Variants in PDE4D observed in about 807,000 individuals in gnomAD.
The protein encoded by PDE4D is 3',5'-cyclic-AMP phosphodiesterase 4D.
In PDE4D, 24 loss-of-function variants were observed where a neutral mutation model predicts 87.4. The ratio of observed to expected loss-of-function variants is 0.27; its 90% confidence interval spans 0.20 to 0.39. The LOEUF (loss-of-function observed/expected upper bound fraction) is 0.39. Ranked by LOEUF, PDE4D falls within the 10% of genes least tolerant of loss-of-function variation. PDE4D has a pLI of 1.00. For missense variants in PDE4D, 714 were observed against 1,041.0 expected, an observed-to-expected ratio of 0.69 and a Z score of 4.32; for synonymous variants, 384 against 383.2, an observed-to-expected ratio of 1.00 and a Z score of -0.02.
At chr5:59,445,742 A>AATTT (rs558916019) in intron 1 of PDE4D, among the ~76,000 whole-genome samples, 2 of 152,220 alleles carry the variant, frequency 1.3e-5, no homozygotes, top group South Asian at 2.1e-4. Context: ...GCTTATATAG[A>AATTT]ATTTATTTAT....
At chr5:59,149,065 G>A (rs1168587555) in intron 5 of PDE4D, among the ~76,000 whole-genome samples, 1 of 152,006 alleles carries the variant, frequency 6.6e-6, no homozygotes, top group East Asian at 1.9e-4. Flanking sequence ...ATCAGCTCAT[G>A]GGATTTGGTG....
intron 1 of PDE4D, chr5:59,768,296 G>C (rs1344945023): frequency 6.3e-7 from 1 of 1,598,306 alleles, no homozygotes; most frequent in South Asian, 1.1e-5. Context: ...TTGCTGCTGA[G>C]AAGCATTCTG....
chr5:60,490,075 A>G (rs1749448072), upstream of PDE4D: 1 of 152,204 alleles, frequency 6.6e-6, no homozygotes, highest in African/African-American at 2.4e-5. Flanking sequence ...TCTCTGTGTC[A>G]ATATACAACT....
intron 3 of PDE4D, among the ~76,000 whole-genome samples, chr5:59,904,107 T>C (rs1273957356): frequency 6.6e-5 from 10 of 152,218 alleles, no homozygotes; most frequent in Non-Finnish European, 1.0e-4. Flanking sequence ...TTATTGGTAT[T>C]AGTATTACTA....
intron 1 of PDE4D, among the ~76,000 whole-genome samples, chr5:59,485,032 C>G (rs1348411254): frequency 6.6e-6 from 1 of 152,152 alleles, no homozygotes; most frequent in African/African-American, 2.4e-5. Context: ...CCAAGAAACC[C>G]CAGTCTCCTA....
At position 60,300,797 on chromosome 5, in the gene PDE4D, G is replaced by A. The variant is rs74767441; in HGVS notation, c.-89-115110C>T. 6.9e-4 allele frequency among the ~76,000 whole-genome samples: 104 copies of A among 151,700 alleles called. No homozygotes were observed. The East Asian group carries it at 0.018, about 27-fold the overall frequency. On this transcript the variant is annotated intron_variant, in intron 1 of 16. Coordinates refer to the PDE4D transcript ENST00000502484. ...TTTTTTTCTTTTTCTTTTTGAGATG[G>A]AGTCTCACTCTGTTGCCCAGGCTGG...
At chr5:59,261,320 T>C (rs916005020) in intron 1 of PDE4D, among the ~76,000 whole-genome samples, 1 of 151,868 alleles carries the variant, frequency 6.6e-6, no homozygotes, top group African/African-American at 2.4e-5. Flanking sequence ...TACTTATTAA[T>C]GCAGTTATAG....
At chr5:60,313,228 A>G (rs1755211645) in intron 1 of PDE4D, among the ~76,000 whole-genome samples, 2 of 152,180 alleles carry the variant, frequency 1.3e-5, no homozygotes, top group Non-Finnish European at 2.9e-5. Flanking sequence ...AATAAACAAA[A>G]TCAGAAATGG....
intron 1 of PDE4D, among the ~76,000 whole-genome samples, chr5:60,447,901 T>C (rs1745778419): frequency 6.6e-6 from 1 of 152,180 alleles, no homozygotes; most frequent in Admixed American, 6.5e-5. Context: ...TCTATCTTAC[T>C]GGCCACAGTT....
At chr5:59,726,763 CT>C (rs1056970371) in intron 1 of PDE4D, among the ~76,000 whole-genome samples, 1 of 152,084 alleles carries the variant, frequency 6.6e-6, no homozygotes, top group Non-Finnish European at 1.5e-5. Flanking sequence ...AACAATATAA[CT>C]TTTCAACAGT....
chr5:59,275,443 C>T (rs1764617631), intron 1 of PDE4D: 1 of 1,587,134 alleles, frequency 6.3e-7, no homozygotes, highest in Non-Finnish European at 8.5e-7. Context: ...TTCAACTATT[C>T]TGATTAATAC....
chr5:60,067,267 T>C (rs1772206741), intron 2 of PDE4D, among the ~76,000 whole-genome samples: 1 of 152,078 alleles, frequency 6.6e-6, no homozygotes, highest in South Asian at 2.1e-4. Context: ...ATATGGTAGA[T>C]GAGAACAGTA....
chr5:59,452,692 C>G (rs1361874853), intron 1 of PDE4D, among the ~76,000 whole-genome samples: 3 of 152,196 alleles, frequency 2.0e-5, no homozygotes, highest in African/African-American at 7.2e-5. Flanking sequence ...CTTGAGACCA[C>G]AGCCTTCAGA....
chr5:60,346,831 A>T (rs1758786040), intron 1 of PDE4D, among the ~76,000 whole-genome samples: 1 of 152,158 alleles, frequency 6.6e-6, no homozygotes, highest in African/African-American at 2.4e-5. Flanking sequence ...TTCTTCCCAC[A>T]TTTCTATAAC....
intron 1 of PDE4D, among the ~76,000 whole-genome samples, chr5:59,753,904 T>A (rs1204665788): frequency 6.6e-6 from 1 of 152,228 alleles, no homozygotes; most frequent in African/African-American, 2.4e-5. Context: ...GAATGTAAGA[T>A]AATGTTTCTC....
chr5:59,090,686 C>A (rs1356931559), intron 5 of PDE4D, among the ~76,000 whole-genome samples: 1 of 151,570 alleles, frequency 6.6e-6, no homozygotes, highest in Non-Finnish European at 1.5e-5. Context: ...ACAGCAACAA[C>A]AACAACAAGA....
intron 1 of PDE4D, among the ~76,000 whole-genome samples, chr5:60,249,400 A>G (rs1487436605): frequency 6.6e-6 from 1 of 152,112 alleles, no homozygotes; most frequent in Non-Finnish European, 1.5e-5. Context: ...GAAATGGATC[A>G]TTCAAGAGTA....
intron 1 of PDE4D, among the ~76,000 whole-genome samples, chr5:60,313,749 A>G (rs1755264583): frequency 6.6e-6 from 1 of 152,222 alleles, no homozygotes; most frequent in South Asian, 2.1e-4. Context: ...CAGCATGATT[A>G]AGTAGACTTT....
At chr5:59,024,328 T>G (rs750711194) in intron 6 of PDE4D, among the ~76,000 whole-genome samples, 4 of 151,434 alleles carry the variant, frequency 2.6e-5, no homozygotes, top group Non-Finnish European at 4.4e-5. Flanking sequence ...GCCTCCCGAG[T>G]AGCTGAGATT....
Sources: gnomAD v4.1 joint callset for allele counts (sites outside exome capture counted in the v4.1 genomes callset) on GRCh38, gnomAD v4.1.1 for gene constraint, MANE v1.5 for transcripts, NCBI Gene and HGNC (gene_info 2026-07-23, HGNC 2026-07-21) for gene names.